Variants in VEGFD observed in about 807,000 individuals in gnomAD.
VEGFD encodes vascular endothelial growth factor D, also known as c-fos induced growth factor (vascular endothelial growth factor D).
Under a neutral mutation model 28.0 loss-of-function variants are expected in VEGFD, and 26 were observed. That is an observed-to-expected ratio of 0.93 (90% CI 0.68 to 1.29). The LOEUF (loss-of-function observed/expected upper bound fraction) is 1.29. Ranked by LOEUF, VEGFD falls within the 50% of genes most tolerant of loss-of-function variation. The pLI is 0.00. For missense variants in VEGFD, 294 were observed against 273.4 expected (o/e 1.08, Z -0.53); for synonymous variants, 93 against 95.5 (o/e 0.97, Z 0.15).
intron 2 of VEGFD, among the ~76,000 whole-genome samples, chrX:15,360,301 T>A (rs1184161665): frequency 9.0e-6 from 1 of 110,923 alleles, no homozygotes; most frequent in Non-Finnish European, 1.9e-5. Context: ...TTGTTTTTTT[T>A]TATTTTTTTC....
chrX:15,376,208 A>T (rs1475568774), intron 1 of VEGFD, among the ~76,000 whole-genome samples: 1 of 111,866 alleles, frequency 8.9e-6, no homozygotes, highest in Non-Finnish European at 1.9e-5. Context: ...CCAATAGGAC[A>T]TTACAAGACA....
intron 1 of VEGFD, among the ~76,000 whole-genome samples, chrX:15,380,027 G>A (rs977251244): frequency 8.9e-6 from 1 of 112,386 alleles, no homozygotes. Context: ...GTGAGTAACT[G>A]GATTAAAACA....
intron 1 of VEGFD, among the ~76,000 whole-genome samples, chrX:15,364,134 CA>C (rs1224076684): frequency 4.5e-5 from 5 of 111,189 alleles, no homozygotes; most frequent in Admixed American, 3.8e-4. Context: ...ACTACAGTCA[CA>C]AAAAAAAGAT....
chrX:15,358,159 G>A lies in VEGFD; in HGVS notation c.336C>T (p.Ser112=), dbSNP rs748871086. ...IDEEWQRTQC[S]PRETCVEVAS... is the part of the protein sequence containing the mutation. ...CCACCTCCACGCACGTTTCTCTAGG[G>A]CTGCACTGAGTTCTTTGCCATTCTT... is the stretch of plus-strand genomic sequence containing the variant. The change falls in exon 3 of 7, where the codon AGC becomes AGT. Residue 112 remains serine, a synonymous_variant. Coordinates refer to ENST00000297904, the MANE Select transcript of VEGFD (RefSeq NM_004469.5). 50 of 1,207,685 alleles carry A rather than the reference G, an allele frequency of 4.1e-5. No homozygotes were observed. In the South Asian group the frequency reaches 8.9e-4, roughly 22 times the overall value.
At chrX:15,362,362 A>G (rs969986320) in intron 2 of VEGFD, among the ~76,000 whole-genome samples, 1 of 111,063 alleles carries the variant, frequency 9.0e-6, no homozygotes. Context: ...TTACTAAAAA[A>G]TCACACAACT....
chrX:15,379,698 C>T lies in VEGFD; in HGVS notation c.90+4159G>A, dbSNP rs1369068693. 9.8e-5 allele frequency among the ~76,000 whole-genome samples: 11 copies of T among 112,218 alleles called. No homozygotes were observed. In the Admixed American group the frequency reaches 1.0e-3, roughly 11 times the overall value. ...AGAAATGTTCTCAGAAACAATTTTA[C>T]TGTCATTTGTGTGCCTATTTCTGTA... On this transcript the variant is annotated intron_variant, in intron 1 of 6. Transcript: ENST00000297904.
At chrX:15,357,787 T>C (rs1417811208) in intron 3 of VEGFD, among the ~76,000 whole-genome samples, 2 of 112,095 alleles carry the variant, frequency 1.8e-5, no homozygotes, top group African/African-American at 6.5e-5. Flanking sequence ...CTGCTATTTA[T>C]CAGCCGTGTA....
chrX:15,365,285 A>C (rs910256164), intron 1 of VEGFD, among the ~76,000 whole-genome samples: 5 of 111,436 alleles, frequency 4.5e-5, no homozygotes, highest in Admixed American at 1.9e-4. Flanking sequence ...GGAGCCTGCC[A>C]CCATGCCCGG....
intron 1 of VEGFD, among the ~76,000 whole-genome samples, chrX:15,371,039 G>T (rs1923295567): frequency 9.0e-6 from 1 of 111,051 alleles, no homozygotes; most frequent in African/African-American, 3.3e-5. Flanking sequence ...GGACCATGAG[G>T]TCCACCACCC....
chrX:15,372,885 A>G (rs1195277223), intron 1 of VEGFD, among the ~76,000 whole-genome samples: 1 of 111,787 alleles, frequency 8.9e-6, no homozygotes, highest in Non-Finnish European at 1.9e-5. Flanking sequence ...ATCTCAAGAT[A>G]CCTGACCATT....
At chrX:15,375,405 T>G (rs1446727955) in intron 1 of VEGFD, among the ~76,000 whole-genome samples, 1 of 112,149 alleles carries the variant, frequency 8.9e-6, no homozygotes, top group East Asian at 2.8e-4. Flanking sequence ...TAGGGTGTAC[T>G]AACTAGGGCA....
At chrX:15,366,078 C>A (rs780526226) in intron 1 of VEGFD, among the ~76,000 whole-genome samples, 10 of 111,796 alleles carry the variant, frequency 8.9e-5, no homozygotes, top group Non-Finnish European at 1.9e-4. Context: ...GCGATCTCGG[C>A]TCACTGCAAG....
chrX:15,362,960 C>A, intron 2 of VEGFD, 149 bp downstream of exon 2: 1 of 449,016 alleles, frequency 2.2e-6, no homozygotes, highest in East Asian at 3.7e-5. Flanking sequence ...ATTAAAAAAT[C>A]AAGATTCTGC....
intron 1 of VEGFD, among the ~76,000 whole-genome samples, chrX:15,378,988 C>T (rs1027606672): frequency 9.0e-6 from 1 of 111,230 alleles, no homozygotes; most frequent in Admixed American, 9.6e-5. Flanking sequence ...ACCCAGACAT[C>T]GAAGCCAACT....
chrX:15,368,127 AAGAG>A (rs1294080050), intron 1 of VEGFD, among the ~76,000 whole-genome samples: 1 of 108,782 alleles, frequency 9.2e-6, no homozygotes, highest in South Asian at 4.1e-4. Context: ...AAAGGAGAGA[AAGAG>A]AAAGAAAGAA....
chrX:15,347,504 C>T (rs933724012), intron 5 of VEGFD, 145 bp from the exon 6 acceptor site: 2 of 404,112 alleles, frequency 4.9e-6, no homozygotes, highest in African/African-American at 2.6e-5. Context: ...AATTTTTTCA[C>T]AGGGTGAGGA....
At chrX:15,368,101 AAAG>A (rs1242132878) in intron 1 of VEGFD, among the ~76,000 whole-genome samples, 8 of 107,349 alleles carry the variant, frequency 7.5e-5, no homozygotes, top group South Asian at 4.2e-4. Flanking sequence ...GAAAGAAAGA[AAAG>A]AAGGAAAGAA....
intron 5 of VEGFD, among the ~76,000 whole-genome samples, chrX:15,352,005 C>T (rs1922743178): frequency 1.8e-5 from 2 of 112,018 alleles, no homozygotes; most frequent in East Asian, 2.8e-4. Context: ...CACTGGATGG[C>T]GAGTCTCCAA....
At chrX:15,383,755 T>C (rs1923645526) in intron 1 of VEGFD, 102 bp downstream of exon 1, 1 of 590,735 alleles carries the variant, frequency 1.7e-6, no homozygotes, top group Non-Finnish European at 2.9e-6. Flanking sequence ...ACTAGGATGG[T>C]TCTGCATTTT....
Sources: allele counts gnomAD v4.1 joint callset (sites outside exome capture counted in the v4.1 genomes callset), GRCh38; gene constraint gnomAD v4.1.1; transcripts MANE v1.5; gene names NCBI Gene and HGNC (gene_info 2026-07-23, HGNC 2026-07-21).